ULK4: variants seen among roughly 807,000 people sequenced by gnomAD.
ULK4 encodes the protein inactive serine/threonine-protein kinase ULK4.
In ULK4, 133 loss-of-function variants were observed where a neutral mutation model predicts 160.6. The ratio of observed to expected loss-of-function variants is 0.83; its 90% CI spans 0.72 to 0.96. The LOEUF (loss-of-function observed/expected upper bound fraction) is 0.96. Among genes scored for constraint, ULK4 ranks in the 40% least tolerant of loss-of-function variants. ULK4 has a pLI of 0.00. For missense variants in ULK4, 1,580 were observed against 1,499.5 expected, an observed-to-expected ratio of 1.05 and a Z score of -0.89; for synonymous variants, 534 against 539.8, an observed-to-expected ratio of 0.99 and a Z score of 0.15.
At chr3:41,544,337 A>C (rs1795339) in intron 32 of ULK4, among the ~76,000 whole-genome samples, 63,649 of 152,070 alleles carry the variant, frequency 0.42, 14,794 homozygotes, top group Non-Finnish European at 0.51. Flanking sequence ...AAATGCCTTA[A>C]ATCAGTAAGT....
chr3:41,259,370 A>G (rs1181715003), intron 35 of ULK4, among the ~76,000 whole-genome samples: 2 of 152,162 alleles, frequency 1.3e-5, no homozygotes, highest in African/African-American at 4.8e-5. Context: ...CAGCTTCCCC[A>G]AATACAAACT....
chr3:41,334,587 G>A (rs574731205), intron 35 of ULK4, among the ~76,000 whole-genome samples: 11 of 152,162 alleles, frequency 7.2e-5, no homozygotes, highest in Non-Finnish European at 1.0e-4. Flanking sequence ...GGGCTGTGCA[G>A]GTACTCCTCT....
intron 27 of ULK4, among the ~76,000 whole-genome samples, chr3:41,688,210 C>T (rs1387144337): frequency 6.6e-6 from 1 of 152,024 alleles, no homozygotes; most frequent in East Asian, 1.9e-4. Context: ...TCCCCTGACA[C>T]CACAGAGGAG....
intron 8 of ULK4, among the ~76,000 whole-genome samples, chr3:41,913,948 G>C (rs920667555): frequency 6.6e-6 from 1 of 152,166 alleles, no homozygotes; most frequent in Non-Finnish European, 1.5e-5. Flanking sequence ...GGGTGACAGA[G>C]TGAGACCCCG....
chr3:41,763,325 A>G (rs972172118), intron 21 of ULK4, among the ~76,000 whole-genome samples: 1 of 152,226 alleles, frequency 6.6e-6, no homozygotes, highest in African/African-American at 2.4e-5. Flanking sequence ...GCAGAAATCA[A>G]TGAGGTGGGA....
At chr3:41,395,515 C>T (rs1261193883) in intron 35 of ULK4, among the ~76,000 whole-genome samples, 1 of 152,058 alleles carries the variant, frequency 6.6e-6, no homozygotes, top group East Asian at 1.9e-4. Flanking sequence ...GTGAAACAAG[C>T]CAGACATAAA....
At chr3:41,538,889 G>A (rs2086601024) in intron 32 of ULK4, among the ~76,000 whole-genome samples, 1 of 151,808 alleles carries the variant, frequency 6.6e-6, no homozygotes, top group Non-Finnish European at 1.5e-5. Flanking sequence ...CATGAGTTTT[G>A]ATAAATTTCA....
chr3:41,431,112 G>A (rs1489578905), intron 34 of ULK4, among the ~76,000 whole-genome samples: 2 of 152,180 alleles, frequency 1.3e-5, no homozygotes, highest in Admixed American at 6.5e-5. Flanking sequence ...CACTTTGGGT[G>A]GCGGAGGCAG....
At chr3:41,286,536 C>T (rs955160644) in intron 35 of ULK4, among the ~76,000 whole-genome samples, 2 of 152,080 alleles carry the variant, frequency 1.3e-5, no homozygotes, top group Non-Finnish European at 2.9e-5. Flanking sequence ...TTCTAGGAGG[C>T]CTTCAGGAAG....
intron 32 of ULK4, among the ~76,000 whole-genome samples, chr3:41,523,298 A>G (rs138110560): frequency 3.0e-3 from 458 of 152,286 alleles, no homozygotes; most frequent in Non-Finnish European, 5.4e-3. Context: ...AGATACATGG[A>G]GAGAAGGAAG....
At chr3:41,958,730 A>G (rs1700569095) in intron 1 of ULK4, among the ~76,000 whole-genome samples, 1 of 151,116 alleles carries the variant, frequency 6.6e-6, no homozygotes, top group African/African-American at 2.4e-5. Context: ...AAAAAAAATT[A>G]AGGAAACTCA....
At chr3:41,723,861 T>C (rs374642656) in intron 22 of ULK4, among the ~76,000 whole-genome samples, 1 of 152,216 alleles carries the variant, frequency 6.6e-6, no homozygotes, top group African/African-American at 2.4e-5. Flanking sequence ...GGTAGCCCAG[T>C]CGTTTCCTTC....
chr3:41,693,088 A>C (rs1433635854), intron 27 of ULK4, among the ~76,000 whole-genome samples: 1 of 152,236 alleles, frequency 6.6e-6, no homozygotes, highest in Non-Finnish European at 1.5e-5. Context: ...ATTGTTGCCC[A>C]AGATGATGCT....
chr3:41,749,588 A>T (rs1189482680), intron 22 of ULK4, among the ~76,000 whole-genome samples: 1 of 152,222 alleles, frequency 6.6e-6, no homozygotes, highest in Non-Finnish European at 1.5e-5. Flanking sequence ...TATGATGTTC[A>T]GTAGGTTAGA....
At chr3:41,692,360 G>A (rs1221407614) in intron 27 of ULK4, among the ~76,000 whole-genome samples, 1 of 152,030 alleles carries the variant, frequency 6.6e-6, no homozygotes, top group Admixed American at 6.6e-5. Flanking sequence ...TTGCTCACTG[G>A]TACGGGGTCA....
chr3:41,789,738 C>A lies in ULK4; in HGVS notation c.2116G>T (p.Val706Phe). 1 of 1,613,812 alleles carries A rather than the reference C, an allele frequency of 6.2e-7. No homozygotes were observed. The highest frequency in any genetic ancestry group is 8.5e-7 in the Non-Finnish European group (1 of 1,179,850). Residue 706 changes from valine to phenylalanine, a missense_variant, in exon 21 of 37, where the codon GTT becomes TTT. By Grantham distance (50) the Val-to-Phe change is conservative (BLOSUM62 -1). Coordinates refer to ENST00000301831, the MANE Select transcript of ULK4 (RefSeq NM_017886.4). ...AATAAGGTCAACATGTACTGCTGAA[C>A]TTTGCAGATGGCAGAGGCCAGGGAG... is the stretch of plus-strand genomic sequence containing the variant. ...INSLASAICK[V>F]QQYMLTLFAA...
chr3:41,273,719 G>T (rs2079180080), intron 35 of ULK4, among the ~76,000 whole-genome samples: 1 of 152,106 alleles, frequency 6.6e-6, no homozygotes, highest in Non-Finnish European at 1.5e-5. Context: ...GAGGTGTTTG[G>T]GTAATGAATG....
chr3:41,389,928 A>T (rs2081914657), intron 35 of ULK4, among the ~76,000 whole-genome samples: 1 of 152,104 alleles, frequency 6.6e-6, no homozygotes, highest in Admixed American at 6.6e-5. Context: ...TATTAATTGG[A>T]ATAGTTTCAG....
intron 27 of ULK4, among the ~76,000 whole-genome samples, chr3:41,690,266 G>C (rs1479732285): frequency 6.6e-6 from 1 of 151,162 alleles, no homozygotes. Context: ...ACAGGAAGGG[G>C]AACATCACAC....
Sources: allele counts gnomAD v4.1 joint callset (sites outside exome capture counted in the v4.1 genomes callset), GRCh38; gene constraint gnomAD v4.1.1; transcripts MANE v1.5; gene names NCBI Gene and HGNC (gene_info 2026-07-23, HGNC 2026-07-21).